The following NCALD variants were observed in gnomAD, a reference collection of about 807,000 sequenced individuals.
NCALD encodes the protein neurocalcin-delta.
In NCALD, 10 loss-of-function variants were observed where a neutral mutation model predicts 18.6. The observed-to-expected ratio is 0.54, with a 90% confidence interval of 0.33 to 0.91. The LOEUF is 0.91. Among genes scored for constraint, NCALD ranks in the 40% least tolerant of loss-of-function variants. NCALD has a pLI of 0.03. For synonymous variants in NCALD, 88 were observed against 87.4 expected, an observed-to-expected ratio of 1.01 and a Z score of -0.04; for missense variants, 184 against 247.6, an observed-to-expected ratio of 0.74 and a Z score of 1.72.
At chr8:102,060,908 T>C (rs1396103244) in intron 1 of NCALD, among the ~76,000 whole-genome samples, 1 of 152,142 alleles carries the variant, frequency 6.6e-6, no homozygotes, top group East Asian at 1.9e-4. Context: ...TTCTCTTCCA[T>C]CTCTGCATGG....
chr8:102,066,881 G>A (rs190344946), intron 1 of NCALD, among the ~76,000 whole-genome samples: 1 of 152,312 alleles, frequency 6.6e-6, no homozygotes, highest in African/African-American at 2.4e-5. Context: ...TGTCCTTGAT[G>A]TCATCCTTCC....
intron 1 of NCALD, among the ~76,000 whole-genome samples, chr8:102,070,520 A>C (rs1363451009): frequency 1.3e-5 from 2 of 152,216 alleles, no homozygotes; most frequent in Non-Finnish European, 1.5e-5. Context: ...ACCAGACAGC[A>C]ATCCCTGTGG....
At chr8:101,975,555 C>T (rs1040849835) in intron 2 of NCALD, among the ~76,000 whole-genome samples, 4 of 152,190 alleles carry the variant, frequency 2.6e-5, no homozygotes, top group Admixed American at 6.5e-5. Flanking sequence ...TGTAAGGCTC[C>T]TGTGTCCAAC....
intron 1 of NCALD, among the ~76,000 whole-genome samples, chr8:102,102,472 A>C (rs190696234): frequency 6.6e-6 from 1 of 152,336 alleles, no homozygotes; most frequent in East Asian, 1.9e-4. Flanking sequence ...CAGGGACACC[A>C]GAGGACATGG....
At chr8:101,870,915 A>C (rs893077737) in intron 4 of NCALD, among the ~76,000 whole-genome samples, 1 of 93,918 alleles carries the variant, frequency 1.1e-5, no homozygotes, top group African/African-American at 4.2e-5. Flanking sequence ...CCCCCAAAAA[A>C]AGAGAGAACG....
intron 3 of NCALD, chr8:101,692,164 C>T (rs1249988438): frequency 1.0e-6 from 1 of 985,198 alleles, no homozygotes; most frequent in Non-Finnish European, 1.2e-6. Flanking sequence ...ATCTAAAATC[C>T]TTCTGTTCTT....
At chr8:102,122,159 C>T (rs1331501780) in intron 1 of NCALD, among the ~76,000 whole-genome samples, 1 of 152,156 alleles carries the variant, frequency 6.6e-6, no homozygotes, top group Non-Finnish European at 1.5e-5. Flanking sequence ...AAGGCAGTGT[C>T]GCAGCAGCTG....
At chr8:101,991,730 G>A (rs1483282749) in intron 2 of NCALD, among the ~76,000 whole-genome samples, 2 of 152,190 alleles carry the variant, frequency 1.3e-5, no homozygotes, top group African/African-American at 2.4e-5. Flanking sequence ...GACTCAGGTT[G>A]ACAGTAGTAG....
At chr8:101,797,694 T>G (rs977650036) in intron 4 of NCALD, among the ~76,000 whole-genome samples, 3 of 151,940 alleles carry the variant, frequency 2.0e-5, no homozygotes, top group African/African-American at 7.3e-5. Flanking sequence ...CCTGCACCTG[T>G]AGTCCCAGCT....
intron 2 of NCALD, among the ~76,000 whole-genome samples, chr8:101,951,029 G>A (rs1210294173): frequency 1.3e-5 from 2 of 152,168 alleles, no homozygotes; most frequent in African/African-American, 4.8e-5. Flanking sequence ...GGAGGCCGCA[G>A]GTGCTAGACC....
intron 4 of NCALD, among the ~76,000 whole-genome samples, chr8:101,873,372 G>A (rs989479657): frequency 2.0e-5 from 3 of 152,218 alleles, no homozygotes; most frequent in African/African-American, 7.2e-5. Flanking sequence ...TCATGGTGAT[G>A]CTTCCCAAAG....
rs143251392 is a variant in NCALD, at chr8:102,094,847, G to A, written c.-210+29390C>T. 3.0e-3 allele frequency among the ~76,000 whole-genome samples: 454 copies of A among 152,310 alleles called. 2 individuals carry two copies. The highest frequency in any genetic ancestry group is 0.01 in the African/African-American group (430 of 41,570). On this transcript the variant is annotated intron_variant, in intron 1 of 6. Coordinates refer to the NCALD transcript ENST00000311028. ...AGATGGAGACAGAGATTGGAGTGAT[G>A]TGTCCACACGACAGGGAACACAAAC...
chr8:102,012,842 T>G (rs1005800121), intron 2 of NCALD, among the ~76,000 whole-genome samples: 1 of 152,200 alleles, frequency 6.6e-6, no homozygotes, highest in Non-Finnish European at 1.5e-5. Context: ...AATTTTCCCT[T>G]TTCTCAGCTC....
At chr8:102,050,214 A>G (rs1823395730) in intron 1 of NCALD, among the ~76,000 whole-genome samples, 1 of 140,428 alleles carries the variant, frequency 7.1e-6, no homozygotes, top group Admixed American at 7.4e-5. Context: ...TTTTCTAATC[A>G]TTGAGTTCTA....
intron 1 of NCALD, among the ~76,000 whole-genome samples, chr8:102,071,104 C>G (rs1189660432): frequency 2.0e-5 from 3 of 152,020 alleles, no homozygotes; most frequent in Non-Finnish European, 4.4e-5. Context: ...GCAGTTACTG[C>G]TATTTTGGAA....
chr8:101,749,001 C>T (rs868029444), intron 1 of NCALD, among the ~76,000 whole-genome samples: 9 of 152,074 alleles, frequency 5.9e-5, no homozygotes, highest in Non-Finnish European at 8.8e-5. Flanking sequence ...TGTGCATGCG[C>T]GGTATGTGTG....
At position 102,044,858 on chromosome 8, in the gene NCALD, C is replaced by T. The variant is rs370357603; in HGVS notation, c.-209-24569G>A. On this transcript the variant is annotated intron_variant, in intron 1 of 6. Coordinates refer to the NCALD transcript ENST00000311028. Reference sequence around the variant, plus strand: ...CAAGTTACTGGTCCTCTCCAGGCTTCAGTTTGGACACCAGTAGAACAGGGA... The same window carrying T: ...CAAGTTACTGGTCCTCTCCAGGCTTTAGTTTGGACACCAGTAGAACAGGGA... Among the ~76,000 whole-genome samples, 18 of 152,206 alleles carry T rather than the reference C, an allele frequency of 1.2e-4. No individual in the cohort carries two copies. In the South Asian group the frequency reaches 3.7e-3, roughly 32 times the overall value.
At chr8:101,820,266 C>A (rs1813666785) in intron 4 of NCALD, among the ~76,000 whole-genome samples, 1 of 152,094 alleles carries the variant, frequency 6.6e-6, no homozygotes, top group Non-Finnish European at 1.5e-5. Flanking sequence ...ATTTTTAAAC[C>A]AGGGACTTTG....
chr8:102,009,371 G>A (rs903104142), intron 2 of NCALD, among the ~76,000 whole-genome samples: 1 of 152,220 alleles, frequency 6.6e-6, no homozygotes, highest in Non-Finnish European at 1.5e-5. Context: ...CAGAAGGGGA[G>A]AGGTTGCCTG....
Sources: allele counts gnomAD v4.1 joint callset (sites outside exome capture counted in the v4.1 genomes callset), GRCh38; gene constraint gnomAD v4.1.1; transcripts MANE v1.5; gene names NCBI Gene and HGNC (gene_info 2026-07-23, HGNC 2026-07-21).